The following KIF26B variants were observed in gnomAD, a reference collection of about 807,000 sequenced individuals.
KIF26B encodes the protein kinesin family member 26B, also known as kinesin-like protein KIF26B.
In KIF26B, 63 loss-of-function variants were observed where a neutral mutation model predicts 151.2. The observed-to-expected ratio is 0.42, with a 90% confidence interval of 0.34 to 0.51. KIF26B has a LOEUF of 0.51. Ranked by LOEUF, KIF26B falls within the 20% of genes least tolerant of loss-of-function variation. The probability of loss-of-function intolerance (pLI) is 0.07; values close to 1 mark genes in which losing one functional copy is unlikely to be tolerated. For missense variants in KIF26B, 2,813 were observed against 2,913.6 expected, an observed-to-expected ratio of 0.97 and a Z score of 0.79; for synonymous variants, 1,357 against 1,262.1, an observed-to-expected ratio of 1.08 and a Z score of -1.59.
At position 245,602,550 on chromosome 1, in the gene KIF26B, A is replaced by C. The variant is rs1262243544; in HGVS notation, c.1351-27A>C. The C allele has an allele frequency of 1.9e-6, 3 of 1,574,862 alleles. No homozygotes were observed. The highest frequency in any genetic ancestry group is 1.3e-5 in the African/African-American group (1 of 74,206). On this transcript the variant is annotated intron_variant, in intron 5 of 14. Transcript: ENST00000407071. The surrounding 1 kb of genome is among the most constrained non-coding windows in gnomAD (Gnocchi z 4.5). ...GTAAAACACCCAGCTGTCTTCATCC[A>C]TGCTGTCGCCCATCTTTTCTTAACA...
chr1:245,548,262 G>C (rs1259422352), intron 5 of KIF26B, among the ~76,000 whole-genome samples: 1 of 151,282 alleles, frequency 6.6e-6, no homozygotes, highest in Non-Finnish European at 1.5e-5. Context: ...GTGCTAGAAA[G>C]GATACACAAT....
At chr1:245,205,298 C>T (rs1299008149) in intron 2 of KIF26B, among the ~76,000 whole-genome samples, 2 of 152,096 alleles carry the variant, frequency 1.3e-5, no homozygotes, top group Non-Finnish European at 2.9e-5. Flanking sequence ...ATTCTAAGCA[C>T]ACTATATGCT....
chr1:245,635,605 C>T (rs537991639), intron 9 of KIF26B, among the ~76,000 whole-genome samples: 1 of 151,430 alleles, frequency 6.6e-6, no homozygotes, highest in South Asian at 2.1e-4. Flanking sequence ...TTTTGGTTTT[C>T]TGTTTCGTTG....
intron 9 of KIF26B, among the ~76,000 whole-genome samples, chr1:245,614,227 T>A (rs888943881): frequency 6.6e-6 from 1 of 152,128 alleles, no homozygotes; most frequent in Non-Finnish European, 1.5e-5. Flanking sequence ...CAGGCTGGAG[T>A]ACAGTGGCGT....
intron 10 of KIF26B, among the ~76,000 whole-genome samples, chr1:245,653,153 G>A (rs2044037839): frequency 6.6e-6 from 1 of 152,134 alleles, no homozygotes; most frequent in East Asian, 1.9e-4. Context: ...TGCAGGGGAG[G>A]GACAGGCAGA....
At chr1:245,299,398 G>A (rs945594144) in intron 2 of KIF26B, among the ~76,000 whole-genome samples, 1 of 137,108 alleles carries the variant, frequency 7.3e-6, no homozygotes, top group South Asian at 2.4e-4. Context: ...AATTTCTGAT[G>A]TCGTGCCAGC....
chr1:245,589,025 C>T (rs967080910), intron 5 of KIF26B, among the ~76,000 whole-genome samples: 15 of 152,158 alleles, frequency 9.9e-5, no homozygotes, highest in East Asian at 7.7e-4. Context: ...GGGGAAGTTA[C>T]GAGAACGTAG....
chr1:245,501,116 G>A (rs1660611273), intron 4 of KIF26B, among the ~76,000 whole-genome samples: 1 of 152,214 alleles, frequency 6.6e-6, no homozygotes, highest in Non-Finnish European at 1.5e-5. Flanking sequence ...TTCGTGGACA[G>A]AACAGTCGTT....
Position 245,667,930 on chromosome 1 carries a change from A to G in KIF26B, c.2259-16303A>G, listed in dbSNP as rs1398727278. Among the ~76,000 whole-genome samples the G allele has an allele frequency of 6.6e-6, 1 of 152,096 alleles. No individual in the cohort carries two copies. Among genetic ancestry groups the G allele is most frequent in the Non-Finnish European group, 1.5e-5 (1 of 68,014 alleles). On this transcript the variant is annotated intron_variant, in intron 10 of 14. Transcript: ENST00000407071. This position sits in a 1 kb window ranked among gnomAD's most constrained non-coding sequence, Gnocchi z 4.3. Reference sequence around the variant, plus strand: ...TTTTGAGATGGAGTCTCACTCTGTCACCCAGGCTGGAGTGCAGTGCAGTGG... The same window carrying G: ...TTTTGAGATGGAGTCTCACTCTGTCGCCCAGGCTGGAGTGCAGTGCAGTGG...
intron 4 of KIF26B, among the ~76,000 whole-genome samples, chr1:245,534,365 G>A (rs6681324): frequency 0.37 from 55,770 of 151,624 alleles, 11,302 homozygotes; most frequent in Middle Eastern, 0.47. Context: ...GTTTCACCAT[G>A]TTAGCCAGGC....
At chr1:245,484,766 C>CTTCTTCTT (rs1558184420) in intron 4 of KIF26B, among the ~76,000 whole-genome samples, 9 of 123,288 alleles carry the variant, frequency 7.3e-5, no homozygotes, top group African/African-American at 1.6e-4. Context: ...TCTTCTTCTT[C>CTTCTTCTT]ATATTATTAT....
At chr1:245,537,203 C>T (rs757591390) in intron 4 of KIF26B, among the ~76,000 whole-genome samples, 6 of 152,194 alleles carry the variant, frequency 3.9e-5, no homozygotes, top group Non-Finnish European at 7.3e-5. Context: ...ATCTCCATCT[C>T]GGCAGAGCAT....
rs1386623124 is a variant in KIF26B, at chr1:245,530,679, G to A, written c.1167-10088G>A. 3.3e-5 allele frequency among the ~76,000 whole-genome samples: 5 copies of A among 152,328 alleles called. No individual in the cohort carries two copies. In the East Asian group the frequency reaches 9.6e-4, roughly 29 times the overall value. ...TACCAGAGAGTAAAGCTCTTCAGCT[G>A]TAGTGGGTTTACCTGCTGTGTGTCT... On this transcript the variant is annotated intron_variant, in intron 4 of 14. Transcript: ENST00000407071.
intron 2 of KIF26B, among the ~76,000 whole-genome samples, chr1:245,286,342 G>A (rs898141959): frequency 1.3e-5 from 2 of 151,958 alleles, no homozygotes. Context: ...AGGGGTTTGA[G>A]ACCAGCCTGG....
intron 4 of KIF26B, among the ~76,000 whole-genome samples, chr1:245,455,507 A>G (rs967764519): frequency 1.3e-5 from 2 of 152,202 alleles, no homozygotes; most frequent in Non-Finnish European, 1.5e-5. Flanking sequence ...GTCTGAAAAA[A>G]ACAAAACAAA....
chr1:245,155,787 C>T (rs1377754433), intron 1 of KIF26B, among the ~76,000 whole-genome samples: 1 of 152,234 alleles, frequency 6.6e-6, no homozygotes, highest in Non-Finnish European at 1.5e-5. Flanking sequence ...CCCATGAATG[C>T]TGGGCAGTAC....
intron 3 of KIF26B, among the ~76,000 whole-genome samples, chr1:245,398,232 T>C (rs1673905460): frequency 6.6e-6 from 1 of 152,158 alleles, no homozygotes; most frequent in African/African-American, 2.4e-5. Flanking sequence ...GGTGAGGTGG[T>C]GGGAAGCAAT....
intron 9 of KIF26B, among the ~76,000 whole-genome samples, chr1:245,629,407 C>G (rs2043756607): frequency 1.3e-5 from 2 of 152,072 alleles, no homozygotes. Flanking sequence ...ACATATAGAC[C>G]AATGGAACAG....
At chr1:245,683,916 CTCT>C (rs930856799) in intron 10 of KIF26B, among the ~76,000 whole-genome samples, 5 of 152,304 alleles carry the variant, frequency 3.3e-5, no homozygotes, top group East Asian at 3.9e-4. Context: ...TGATCCCCTC[CTCT>C]TGTTTCTATT....
Sources: gnomAD v4.1 joint callset for allele counts (sites outside exome capture counted in the v4.1 genomes callset) on GRCh38, gnomAD v4.1.1 for gene constraint, Gnocchi (gnomAD v3.1) non-coding constraint, MANE v1.5 for transcripts, NCBI Gene and HGNC (gene_info 2026-07-23, HGNC 2026-07-21) for gene names.